The following RIMKLB variants were observed in gnomAD, a reference collection of about 807,000 sequenced individuals.
RIMKLB encodes the protein beta-citrylglutamate synthase B.
RIMKLB carries 7 observed loss-of-function variants against 32.0 expected under a neutral mutation model. The ratio of observed to expected loss-of-function variants is 0.22; its 90% CI spans 0.12 to 0.41. RIMKLB has a LOEUF of 0.41. RIMKLB is among the 10% of genes least tolerant of loss of function. The pLI, the probability that RIMKLB is intolerant of heterozygous loss-of-function variation, is 1.00. For missense variants in RIMKLB, 289 were observed against 498.7 expected (o/e 0.58, Z 4.00); for synonymous variants, 172 against 185.1 (o/e 0.93, Z 0.57).
intron 5 of RIMKLB, among the ~76,000 whole-genome samples, chr12:8,770,667 T>G (rs1950330685): frequency 6.6e-6 from 1 of 152,198 alleles, no homozygotes; most frequent in Admixed American, 6.5e-5. Context: ...GCTTTTTCTA[T>G]TCTCTCATTC....
upstream of RIMKLB, chr12:8,697,909 G>C (rs2136628245): frequency 6.7e-6 from 1 of 148,398 alleles, no homozygotes; most frequent in South Asian, 2.1e-4. Context: ...CAGCAAGCGG[G>C]CGGGCGGCGT....
the RIMKLB span, among the ~76,000 whole-genome samples, chr12:8,672,326 G>A: frequency 3.9e-5 from 6 of 152,232 alleles, no homozygotes; most frequent in East Asian, 1.9e-4. Context: ...ATTTTCGGGC[G>A]TCTTTTCAGC....
At chr12:8,697,908 G>C (rs1942979533), upstream of RIMKLB, 1 of 148,306 alleles carries the variant, frequency 6.7e-6, no homozygotes. Flanking sequence ...TCAGCAAGCG[G>C]GCGGGCGGCG....
In RIMKLB at chr12:8,691,486, T is replaced by C. The variant is rs140248455; in HGVS notation, n.219+9668T>C. ...TTTGCCAGGTGCAGTGGTGCATGCCTGTAATCCCAGCTACTCCGGAGGATG... is the reference window on the plus strand; with the variant it reads ...TTTGCCAGGTGCAGTGGTGCATGCCCGTAATCCCAGCTACTCCGGAGGATG... On this transcript the variant is annotated intron_variant and non_coding_transcript_variant, in intron 1 of 1. Transcript: ENST00000538758. Among the ~76,000 whole-genome samples the C allele has an allele frequency of 4.3e-3, 649 of 152,118 alleles. 4 individuals are homozygous for C. Among genetic ancestry groups the C allele is most frequent in the African/African-American group, 0.015 (611 of 41,492 alleles).
chr12:8,689,768 T>A (rs1942679619), intron 1 of RIMKLB, among the ~76,000 whole-genome samples: 1 of 152,150 alleles, frequency 6.6e-6, no homozygotes, highest in Non-Finnish European at 1.5e-5. Flanking sequence ...AGGTGGGGAA[T>A]GAGGCCTGGG....
intron 1 of RIMKLB, among the ~76,000 whole-genome samples, chr12:8,690,900 C>T (rs12817179): frequency 0.082 from 12,448 of 151,892 alleles, 792 homozygotes; most frequent in East Asian, 0.19. Flanking sequence ...TCCAGCCTGG[C>T]GACAGAGCGA....
chr12:8,749,757 A>C, intron 2 of RIMKLB, 105 bp from the exon 3 acceptor site: 1 of 733,710 alleles, frequency 1.4e-6, no homozygotes, highest in East Asian at 2.7e-5. Flanking sequence ...ATATTAACAA[A>C]ATAGTACATT....
intron 1 of RIMKLB, among the ~76,000 whole-genome samples, chr12:8,690,082 C>T (rs1942688232): frequency 6.6e-6 from 1 of 152,188 alleles, no homozygotes; most frequent in Non-Finnish European, 1.5e-5. Flanking sequence ...CCCAGCATGT[C>T]AGTGGGTCCC....
In RIMKLB at chr12:8,774,967, T is replaced by A. The variant is rs777013232; in HGVS notation, c.*1183T>A. 5.1e-6 allele frequency: 5 copies of A among 985,764 alleles called. No individual in the cohort carries two copies. The highest frequency in any genetic ancestry group is 6.0e-6 in the Non-Finnish European group (5 of 829,910). 61.1% of individuals were successfully genotyped at this position (985,764 alleles called of 1,614,324 possible). ...GGATAATTTAGAAAATGGAGCATGA[T>A]GGGAAACAGAGTTTTTGACTTTAAA... On this transcript the variant is annotated 3_prime_UTR_variant, in exon 6 of 6. Transcript: ENST00000535829.
chr12:8,704,344 T>G (rs543570265), intron 1 of RIMKLB, among the ~76,000 whole-genome samples: 206 of 151,718 alleles, frequency 1.4e-3, no homozygotes, highest in Non-Finnish European at 9.1e-4. Context: ...GATCACACCA[T>G]TGCACTCCAA....
At chr12:8,673,048 A>C in the RIMKLB span, among the ~76,000 whole-genome samples, 39 of 151,948 alleles carry the variant, frequency 2.6e-4, no homozygotes, top group Admixed American at 2.6e-3. Context: ...TGCCCAGCTA[A>C]TTTTTGTATT....
upstream of RIMKLB, among the ~76,000 whole-genome samples, chr12:8,677,592 A>G (rs761889983): frequency 2.4e-4 from 36 of 152,158 alleles, no homozygotes; most frequent in Non-Finnish European, 4.1e-4. Context: ...CTTTAGCACT[A>G]ATCTGATTAA....
chr12:8,721,739 T>C (rs762820111), intron 2 of RIMKLB, among the ~76,000 whole-genome samples: 1 of 152,124 alleles, frequency 6.6e-6, no homozygotes, highest in African/African-American at 2.4e-5. Context: ...ATTATGAGTG[T>C]TTTTTGTTTT....
the RIMKLB span, among the ~76,000 whole-genome samples, chr12:8,671,820 G>T: frequency 2.0e-5 from 3 of 152,106 alleles, no homozygotes; most frequent in African/African-American, 7.2e-5. Context: ...GGCTGAGATG[G>T]AGAATTGCTT....
the RIMKLB span, among the ~76,000 whole-genome samples, chr12:8,673,381 C>T: frequency 6.6e-6 from 1 of 152,088 alleles, no homozygotes; most frequent in East Asian, 1.9e-4. Context: ...ACAAACTACA[C>T]CAAAAACTTA....
chr12:8,678,312 G>A (rs1356534514), upstream of RIMKLB, among the ~76,000 whole-genome samples: 2 of 150,810 alleles, frequency 1.3e-5, no homozygotes, highest in African/African-American at 4.9e-5. Flanking sequence ...CGCCACACCT[G>A]GCCGGTCTTT....
At chr12:8,748,561 T>TGTGC (rs1250225520) in intron 2 of RIMKLB, among the ~76,000 whole-genome samples, 6 of 147,596 alleles carry the variant, frequency 4.1e-5, no homozygotes, top group Non-Finnish European at 7.5e-5. Flanking sequence ...TGTGTGTGCA[T>TGTGC]ATATATATAT....
chr12:8,782,175 TTTCTGTAATTTATTG>T (rs1409043766), downstream of RIMKLB, among the ~76,000 whole-genome samples: 1 of 151,884 alleles, frequency 6.6e-6, no homozygotes, highest in Non-Finnish European at 1.5e-5. Flanking sequence ...AAATTGTTTT[TTTCTGTAATTTATTG>T]TTAAGTTAAC....
chr12:8,746,471 G>T (rs944473925), intron 2 of RIMKLB, among the ~76,000 whole-genome samples: 1 of 151,374 alleles, frequency 6.6e-6, no homozygotes, highest in Non-Finnish European at 1.5e-5. Flanking sequence ...GGTGGTGCAT[G>T]CCTGTGGTCC....
Sources: allele counts gnomAD v4.1 joint callset (sites outside exome capture counted in the v4.1 genomes callset), GRCh38; gene constraint gnomAD v4.1.1; transcripts MANE v1.5; gene names NCBI Gene and HGNC (gene_info 2026-07-23, HGNC 2026-07-21).